The following ZCCHC24 variants were observed in gnomAD, a reference collection of about 807,000 sequenced individuals.
ZCCHC24 encodes zinc finger CCHC-type containing 24.
Under a neutral mutation model 26.2 loss-of-function variants are expected in ZCCHC24, and 10 were observed. The observed-to-expected ratio is 0.38, with a 90% CI of 0.24 to 0.65. The LOEUF is 0.65. ZCCHC24 is among the 30% of genes least tolerant of loss of function. The probability of loss-of-function intolerance (pLI) is 0.54; values close to 1 mark genes in which losing one functional copy is unlikely to be tolerated. For missense variants in ZCCHC24, 243 were observed against 329.1 expected (o/e 0.74, Z 2.03); for synonymous variants, 144 against 147.1 (o/e 0.98, Z 0.15).
intron 3 of ZCCHC24, among the ~76,000 whole-genome samples, chr10:79,389,899 A>C (rs1477845420): frequency 6.6e-6 from 1 of 151,912 alleles, no homozygotes; most frequent in African/African-American, 2.4e-5. Flanking sequence ...TACAGGCATC[A>C]GCCACTGCGC....
At chr10:79,443,597 G>T (rs1365414651) in intron 1 of ZCCHC24, among the ~76,000 whole-genome samples, 1 of 152,166 alleles carries the variant, frequency 6.6e-6, no homozygotes, top group Non-Finnish European at 1.5e-5. Context: ...GTGAATCCCC[G>T]GGTCCTGCCC....
At chr10:79,388,879 C>T (rs931174061) in intron 3 of ZCCHC24, among the ~76,000 whole-genome samples, 3 of 152,188 alleles carry the variant, frequency 2.0e-5, no homozygotes, top group Non-Finnish European at 4.4e-5. Context: ...GGCTCCAAGA[C>T]GTTAGGGACA....
intron 2 of ZCCHC24, among the ~76,000 whole-genome samples, chr10:79,408,317 G>A (rs1472864208): frequency 6.6e-6 from 1 of 152,148 alleles, no homozygotes; most frequent in Non-Finnish European, 1.5e-5. Context: ...AGGGAGCTCA[G>A]GGACTACCCA....
chr10:79,402,555 G>A (rs1330652002), intron 2 of ZCCHC24, among the ~76,000 whole-genome samples: 11 of 152,264 alleles, frequency 7.2e-5, no homozygotes, highest in Non-Finnish European at 1.0e-4. Context: ...GATTATAGGC[G>A]TGAGCCACTG....
At chr10:79,436,898 G>C (rs1328757095) in intron 1 of ZCCHC24, among the ~76,000 whole-genome samples, 2 of 152,168 alleles carry the variant, frequency 1.3e-5, no homozygotes, top group Admixed American at 1.3e-4. Context: ...TTCCTCCCTA[G>C]GTCAGTGACC....
intron 2 of ZCCHC24, among the ~76,000 whole-genome samples, chr10:79,427,462 T>A (rs1002898515): frequency 6.6e-6 from 1 of 151,998 alleles, no homozygotes; most frequent in Non-Finnish European, 1.5e-5. Flanking sequence ...CACAATAAAT[T>A]TAGAAGGGTT....
At chr10:79,442,425 G>A (rs1178025947) in intron 1 of ZCCHC24, among the ~76,000 whole-genome samples, 1 of 152,222 alleles carries the variant, frequency 6.6e-6, no homozygotes, top group Non-Finnish European at 1.5e-5. Flanking sequence ...TGAGGTTCCA[G>A]GGGCACAATG....
At chr10:79,394,979 ATTTGTAC>A (rs970927649) in intron 2 of ZCCHC24, among the ~76,000 whole-genome samples, 2 of 152,210 alleles carry the variant, frequency 1.3e-5, no homozygotes, top group African/African-American at 4.8e-5. Context: ...TGACATGCAC[ATTTGTAC>A]ATACATTCTT....
chr10:79,432,751 C>G lies in ZCCHC24; in HGVS notation c.254G>C (p.Ser85Thr), dbSNP rs765657415. 6.2e-7 allele frequency: 1 copy of G among 1,608,222 alleles called. No homozygotes were observed. ...TGAGGCGCCCTTGTACACACTGTTG[C>G]TCAGCGCCTGTGGGAGACAGAGGCA... ...FFQLQRGEALSNSVYKGASPY... is the reference protein window; with the variant it reads ...FFQLQRGEALTNSVYKGASPY... The change falls in exon 2 of 4, where the codon AGC (serine) becomes ACC (threonine). Residue 85 changes from serine (S) to threonine (T), a missense_variant. Transcript: ENST00000372336.
intron 1 of ZCCHC24, among the ~76,000 whole-genome samples, chr10:79,441,263 A>G (rs955644694): frequency 2.0e-5 from 3 of 152,190 alleles, no homozygotes; most frequent in African/African-American, 7.2e-5. Context: ...TGTTGAGGGC[A>G]CATCCAAACC....
chr10:79,432,813 A>G, intron 1 of ZCCHC24, 55 bp from the exon 2 acceptor site: 15 of 1,565,082 alleles, frequency 9.6e-6, no homozygotes, highest in Non-Finnish European at 1.2e-5. Flanking sequence ...GAAGTTCCAT[A>G]ACCCCCCACC....
In ZCCHC24 at chr10:79,382,983, C is replaced by T. The variant is rs913845442; in HGVS notation, c.*3362G>A. 6.6e-5 allele frequency: 10 copies of T among 152,634 alleles called. No individual in the cohort carries two copies. The highest frequency in any genetic ancestry group is 2.2e-4 in the African/African-American group (9 of 41,458). 9.5% of individuals were successfully genotyped at this position (152,634 alleles called of 1,614,324 possible). On this transcript the variant is annotated 3_prime_UTR_variant, in exon 4 of 4. Transcript: ENST00000372336. ...ATAAGCTGCTTCTTCCCCTTGCCCA[C>T]TCCCTGTCCCTCTACAAAATTAATA... is the stretch of plus-strand genomic sequence containing the variant.
chr10:79,443,978 T>C, intron 1 of ZCCHC24: 2 of 1,265,794 alleles, frequency 1.6e-6, no homozygotes, highest in South Asian at 3.5e-5. Context: ...CCTCCCCTAG[T>C]AAATAATGGC....
At chr10:79,391,119 T>C (rs1013128594) in intron 3 of ZCCHC24, among the ~76,000 whole-genome samples, 1 of 152,190 alleles carries the variant, frequency 6.6e-6, no homozygotes, top group Non-Finnish European at 1.5e-5. Context: ...TGTCTCCTTT[T>C]GGGGCCTCAG....
chr10:79,407,229 G>GC (rs1225961560), intron 2 of ZCCHC24, among the ~76,000 whole-genome samples: 1 of 152,202 alleles, frequency 6.6e-6, no homozygotes, highest in Non-Finnish European at 1.5e-5. Context: ...GTGCAGACCT[G>GC]CCCCCAGGGA....
intron 2 of ZCCHC24, among the ~76,000 whole-genome samples, chr10:79,415,483 GCTT>G (rs1856847092): frequency 6.6e-6 from 1 of 152,190 alleles, no homozygotes; most frequent in Admixed American, 6.5e-5. Flanking sequence ...TTGGGACGTT[GCTT>G]CTTATTTCTA....
chr10:79,411,339 T>C (rs181647908), intron 2 of ZCCHC24, among the ~76,000 whole-genome samples: 1 of 151,914 alleles, frequency 6.6e-6, no homozygotes, highest in Non-Finnish European at 1.5e-5. Context: ...ACACACACAC[T>C]CCCCTGCAGG....
At chr10:79,438,037 T>C (rs184705133) in intron 1 of ZCCHC24, among the ~76,000 whole-genome samples, 5 of 151,864 alleles carry the variant, frequency 3.3e-5, no homozygotes, top group Non-Finnish European at 5.9e-5. Context: ...AGTGAGACCA[T>C]GGAAAAGGCA....
chr10:79,429,224 A>C (rs1381560776), intron 2 of ZCCHC24, among the ~76,000 whole-genome samples: 1 of 152,226 alleles, frequency 6.6e-6, no homozygotes, highest in Non-Finnish European at 1.5e-5. Context: ...AATGTCCAGA[A>C]TAGACAGATC....
Sources: gnomAD v4.1 joint callset for allele counts (sites outside exome capture counted in the v4.1 genomes callset) on GRCh38, gnomAD v4.1.1 for gene constraint, MANE v1.5 for transcripts, NCBI Gene and HGNC (gene_info 2026-07-23, HGNC 2026-07-21) for gene names.